Variants in MYO3B observed in about 807,000 individuals in gnomAD.
MYO3B encodes myosin-IIIb.
In MYO3B, 156 loss-of-function variants were observed where a neutral mutation model predicts 174.6. The observed-to-expected ratio is 0.89, with a 90% CI of 0.78 to 1.02. The LOEUF (loss-of-function observed/expected upper bound fraction) is 1.02, where lower values mean the gene tolerates loss of function less well. Among genes scored for constraint, MYO3B ranks in the 50% least tolerant of loss-of-function variants. The pLI is 0.00. For synonymous variants in MYO3B, 563 were observed against 569.1 expected (o/e 0.99, Z 0.15); for missense variants, 1,632 against 1,639.4 (o/e 1.00, Z 0.08).
intron 1 of MYO3B, among the ~76,000 whole-genome samples, chr2:170,179,645 G>A (rs562322683): frequency 6.6e-6 from 1 of 152,280 alleles, no homozygotes; most frequent in South Asian, 2.1e-4. Context: ...GATGCAGCAA[G>A]AAGGCCCTCA....
intron 7 of MYO3B, among the ~76,000 whole-genome samples, chr2:170,287,112 T>C (rs2093562307): frequency 6.6e-6 from 1 of 152,204 alleles, no homozygotes; most frequent in African/African-American, 2.4e-5. Flanking sequence ...CCACATTTTC[T>C]TTACCAATTC....
intron 9 of MYO3B, among the ~76,000 whole-genome samples, chr2:170,374,216 G>C (rs1221864339): frequency 6.6e-6 from 1 of 152,198 alleles, no homozygotes; most frequent in African/African-American, 2.4e-5. Flanking sequence ...TGGACATGAT[G>C]AGTGGGCAAG....
chr2:170,651,052 T>A (rs1698974416), intron 32 of MYO3B, among the ~76,000 whole-genome samples: 1 of 152,160 alleles, frequency 6.6e-6, no homozygotes, highest in South Asian at 2.1e-4. Flanking sequence ...GACTGCTTCA[T>A]GTAATCGTGC....
chr2:170,391,479 A>G (rs899940071), intron 14 of MYO3B, 41 bp from the exon 15 acceptor site: 24 of 978,922 alleles, frequency 2.5e-5, no homozygotes, highest in Non-Finnish European at 3.4e-5. Flanking sequence ...TGGGATGGGG[A>G]AGCCAGAATA....
chr2:170,505,209 A>C (rs1428614813), intron 28 of MYO3B, among the ~76,000 whole-genome samples: 2 of 151,918 alleles, frequency 1.3e-5, no homozygotes, highest in Non-Finnish European at 2.9e-5. Flanking sequence ...GGGGAGAGGA[A>C]GAGAAAGTAA....
At chr2:170,208,746 C>G (rs1007526604) in intron 3 of MYO3B, among the ~76,000 whole-genome samples, 3 of 152,094 alleles carry the variant, frequency 2.0e-5, no homozygotes, top group Non-Finnish European at 4.4e-5. Context: ...AAAAAAAAAT[C>G]AGGACTGAGT....
chr2:170,379,425 C>T (rs2094319618), intron 9 of MYO3B, among the ~76,000 whole-genome samples: 1 of 152,112 alleles, frequency 6.6e-6, no homozygotes, highest in Admixed American at 6.5e-5. Flanking sequence ...AATCTCTTGA[C>T]CTTGTGATCC....
In MYO3B at chr2:170,387,963, A is replaced by G. The variant is rs115235382; in HGVS notation, c.1577+655A>G. Among the ~76,000 whole-genome samples the G allele has an allele frequency of 5.6e-3, 857 of 152,192 alleles. 9 individuals carry two copies. Among genetic ancestry groups the G allele is most frequent in the African/African-American group, 0.02 (816 of 41,528 alleles). The stretch of plus-strand genomic sequence containing the variant: ...CAGTGTTAGCTACTCTTCCTATGAT[A>G]ATAATATAACCACTGGTGTGGTACA... On this transcript the variant is annotated intron_variant, in intron 14 of 34. Transcript: ENST00000408978.
intron 25 of MYO3B, among the ~76,000 whole-genome samples, chr2:170,498,220 A>G (rs1050422144): frequency 6.6e-6 from 1 of 152,188 alleles, no homozygotes; most frequent in Non-Finnish European, 1.5e-5. Flanking sequence ...AATATATACA[A>G]TGGAATTTAT....
intron 1 of MYO3B, among the ~76,000 whole-genome samples, chr2:170,195,384 T>C (rs2092587601): frequency 6.6e-6 from 1 of 151,874 alleles, no homozygotes; most frequent in Admixed American, 6.6e-5. Context: ...AGAAGGAGCA[T>C]CTGAATGCCA....
At chr2:170,635,476 G>A (rs1487934283) in intron 32 of MYO3B, among the ~76,000 whole-genome samples, 1 of 152,054 alleles carries the variant, frequency 6.6e-6, no homozygotes, top group Non-Finnish European at 1.5e-5. Context: ...GGTGGGGGGA[G>A]CGGGGGAGGG....
intron 7 of MYO3B, among the ~76,000 whole-genome samples, chr2:170,331,461 G>A (rs1398364255): frequency 2.0e-5 from 3 of 152,062 alleles, no homozygotes; most frequent in Admixed American, 6.6e-5. Flanking sequence ...GTGAAAGAGG[G>A]GACAGGTTAT....
intron 23 of MYO3B, among the ~76,000 whole-genome samples, chr2:170,459,835 G>C (rs1395560057): frequency 1.3e-5 from 2 of 152,130 alleles, no homozygotes; most frequent in African/African-American, 4.8e-5. Flanking sequence ...GCAGGTGGGG[G>C]ACCTGGTGCA....
chr2:170,389,987 T>C (rs1411820314), intron 14 of MYO3B, among the ~76,000 whole-genome samples: 2 of 149,174 alleles, frequency 1.3e-5, no homozygotes, highest in African/African-American at 4.9e-5. Flanking sequence ...TCAGAGAACA[T>C]GAATCCCTTT....
chr2:170,247,064 C>T (rs1490644563), intron 7 of MYO3B, among the ~76,000 whole-genome samples: 2 of 152,198 alleles, frequency 1.3e-5, no homozygotes, highest in African/African-American at 2.4e-5. Flanking sequence ...TTGCACCAGA[C>T]AGCTGAGCCA....
intron 32 of MYO3B, among the ~76,000 whole-genome samples, chr2:170,587,710 A>T (rs1427032668): frequency 6.6e-6 from 1 of 152,262 alleles, no homozygotes; most frequent in Non-Finnish European, 1.5e-5. Flanking sequence ...ATCACAGCCC[A>T]GGCAGAAGGT....
intron 32 of MYO3B, among the ~76,000 whole-genome samples, chr2:170,549,756 A>G (rs1690757638): frequency 6.6e-6 from 1 of 152,182 alleles, no homozygotes. Flanking sequence ...TCACCCTGTA[A>G]TAATACAGGA....
chr2:170,519,087 T>TG (rs902965428), intron 29 of MYO3B, among the ~76,000 whole-genome samples: 6 of 152,332 alleles, frequency 3.9e-5, no homozygotes, highest in Middle Eastern at 6.8e-3. Context: ...GAAGCTGATC[T>TG]GCTGTCTCTG....
intron 22 of MYO3B, 23 bp downstream of exon 22, chr2:170,407,867 C>G: frequency 6.2e-7 from 1 of 1,613,234 alleles, no homozygotes; most frequent in Non-Finnish European, 8.5e-7. Flanking sequence ...CCTCTGATAG[C>G]CCTGCTCTTA....
Sources: allele counts gnomAD v4.1 joint callset (sites outside exome capture counted in the v4.1 genomes callset), GRCh38; gene constraint gnomAD v4.1.1; transcripts MANE v1.5; gene names NCBI Gene and HGNC (gene_info 2026-07-23, HGNC 2026-07-21).